KCND2: variants seen among roughly 807,000 people sequenced by gnomAD.
The protein encoded by KCND2 is A-type voltage-gated potassium channel KCND2.
A neutral mutation model predicts 54.4 loss-of-function variants in KCND2; 16 were observed. The observed-to-expected ratio is 0.29, with a 90% CI of 0.20 to 0.45. KCND2 has a LOEUF of 0.45. Ranked by LOEUF, KCND2 falls within the 20% of genes least tolerant of loss-of-function variation. KCND2 has a pLI of 1.00. For synonymous variants in KCND2, 317 were observed against 310.7 expected (o/e 1.02, Z -0.21); for missense variants, 486 against 824.2 (o/e 0.59, Z 5.02).
At chr7:120,447,491 AG>A (rs1229680248) in intron 1 of KCND2, among the ~76,000 whole-genome samples, 1 of 152,220 alleles carries the variant, frequency 6.6e-6, no homozygotes, top group African/African-American at 2.4e-5. Flanking sequence ...ACTGAAAAGA[AG>A]GTCAAGAAAA....
At chr7:120,746,227 A>G (rs1046381088) in intron 5 of KCND2, among the ~76,000 whole-genome samples, 200 bp downstream of exon 5, 2 of 152,204 alleles carry the variant, frequency 1.3e-5, no homozygotes, top group African/African-American at 2.4e-5. Context: ...TTATATCAGT[A>G]TTAAAAGAGT....
At chr7:120,411,203 GT>G (rs1328255512) in intron 1 of KCND2, among the ~76,000 whole-genome samples, 1 of 151,784 alleles carries the variant, frequency 6.6e-6, no homozygotes, top group African/African-American at 2.4e-5. Context: ...TACATTTCAT[GT>G]TTTTAGATGC....
intron 1 of KCND2, among the ~76,000 whole-genome samples, chr7:120,524,941 A>G (rs1219630345): frequency 2.0e-5 from 3 of 152,158 alleles, no homozygotes; most frequent in African/African-American, 4.8e-5. Flanking sequence ...CTCTTGTTTT[A>G]CTTGGAACTC....
Position 120,513,522 on chromosome 7 carries a change from T to A in KCND2, c.1116-219381T>A, listed in dbSNP as rs143571852. ...TTGGAAAACAAATTATTGGACTGAT[T>A]TATTTCACTAAAGTGATCCTCCAGT... On this transcript the variant is annotated intron_variant, in intron 1 of 5. Coordinates refer to ENST00000331113, the MANE Select transcript of KCND2 (RefSeq NM_012281.3). 2.6e-4 allele frequency among the ~76,000 whole-genome samples: 39 copies of A among 152,240 alleles called. 2 individuals carry two copies. The East Asian group carries it at 7.5e-3, about 29-fold the overall frequency.
At chr7:120,389,769 T>G (rs1472147343) in intron 1 of KCND2, among the ~76,000 whole-genome samples, 1 of 151,944 alleles carries the variant, frequency 6.6e-6, no homozygotes, top group Non-Finnish European at 1.5e-5. Flanking sequence ...GTTTTTAACA[T>G]AGATTGACAT....
chr7:120,491,859 GGTTT>G (rs67649845), intron 1 of KCND2, among the ~76,000 whole-genome samples: 11,118 of 151,608 alleles, frequency 0.073, 1,283 homozygotes, highest in African/African-American at 0.25. Context: ...TAGCAATTGT[GGTTT>G]GTTATGTTTT....
chr7:120,342,363 A>G (rs78689859), intron 1 of KCND2, among the ~76,000 whole-genome samples: 4,202 of 152,300 alleles, frequency 0.028, 93 homozygotes, highest in Non-Finnish European at 0.047. Flanking sequence ...TCTCTCACAA[A>G]GGAGAGATTC....
intron 1 of KCND2, among the ~76,000 whole-genome samples, chr7:120,497,324 A>G (rs551513776): frequency 6.6e-6 from 1 of 152,248 alleles, no homozygotes; most frequent in East Asian, 1.9e-4. Context: ...TCCCTTGGAG[A>G]GTCAATATGG....
At chr7:120,404,097 T>C (rs1801313061) in intron 1 of KCND2, among the ~76,000 whole-genome samples, 1 of 152,214 alleles carries the variant, frequency 6.6e-6, no homozygotes, top group African/African-American at 2.4e-5. Flanking sequence ...TTGGGCTTTC[T>C]TGTTTTACTA....
intron 1 of KCND2, among the ~76,000 whole-genome samples, chr7:120,361,709 A>C (rs2116401272): frequency 6.6e-6 from 1 of 152,176 alleles, no homozygotes; most frequent in South Asian, 2.1e-4. Context: ...CAGCTTCAAA[A>C]ATTTTACATA....
chr7:120,558,557 T>C (rs1257691899), intron 1 of KCND2, among the ~76,000 whole-genome samples: 7 of 152,184 alleles, frequency 4.6e-5, no homozygotes, highest in Non-Finnish European at 1.0e-4. Flanking sequence ...ATGGGATCTG[T>C]AGGATGTATG....
At chr7:120,741,059 AAAAG>A (rs990048883) in intron 2 of KCND2, among the ~76,000 whole-genome samples, 17 of 151,860 alleles carry the variant, frequency 1.1e-4, no homozygotes, top group African/African-American at 1.4e-4. Flanking sequence ...AAAAAAAAAA[AAAAG>A]AAAGGAAGGA....
In KCND2 at chr7:120,508,959, C is replaced by T. The variant is rs75705891; in HGVS notation, c.1116-223944C>T. Among the ~76,000 whole-genome samples, 1,212 of 150,618 alleles carry T rather than the reference C, an allele frequency of 8.0e-3. 18 individuals carry two copies. The highest frequency in any genetic ancestry group is 0.029 in the African/African-American group (1,161 of 40,582). On this transcript the variant is annotated intron_variant, in intron 1 of 5. Transcript: ENST00000331113. ...GAACAGACTGCTTTGCCCTCAGCTGCACCATTTCCAGAGACTGGTGCTGAT... is the reference window on the plus strand; with the variant it reads ...GAACAGACTGCTTTGCCCTCAGCTGTACCATTTCCAGAGACTGGTGCTGAT...
chr7:120,632,937 C>T (rs552198018), intron 1 of KCND2, among the ~76,000 whole-genome samples: 1 of 152,172 alleles, frequency 6.6e-6, no homozygotes, highest in Non-Finnish European at 1.5e-5. Flanking sequence ...CCAGAATTCT[C>T]TCTCATTAAG....
Position 120,425,260 on chromosome 7 carries a change from T to C in KCND2, c.1115+149513T>C, listed in dbSNP as rs548956116. Among the ~76,000 whole-genome samples the C allele has an allele frequency of 5.8e-4, 88 of 152,284 alleles. 1 individual carries two copies. The highest frequency in any genetic ancestry group is 3.1e-3 in the South Asian group (15 of 4,822). On this transcript the variant is annotated intron_variant, in intron 1 of 5. Transcript: ENST00000331113. ...CTAGAAATGCAGCTTGCCAACTCAC[T>C]TCCAAAGTACAGAATATTTTGCCAC...
chr7:120,367,062 T>C (rs1382567024), intron 1 of KCND2, among the ~76,000 whole-genome samples: 1 of 152,092 alleles, frequency 6.6e-6, no homozygotes, highest in African/African-American at 2.4e-5. Flanking sequence ...TTGCCGCTAT[T>C]GCATGCATAT....
Position 120,633,044 on chromosome 7 carries a change from C to T in KCND2, c.1116-99859C>T, listed in dbSNP as rs534123205. Among the ~76,000 whole-genome samples the T allele has an allele frequency of 7.2e-4, 109 of 152,294 alleles. 2 individuals carry two copies. Among genetic ancestry groups the T allele is most frequent in the African/African-American group, 2.5e-3 (102 of 41,568 alleles). On this transcript the variant is annotated intron_variant, in intron 1 of 5. Coordinates refer to ENST00000331113, the MANE Select transcript of KCND2 (RefSeq NM_012281.3). ...CAGTTAACACATTTACAGGCTTGAT[C>T]AACCATTGTTAATCACACACGTAAA...
chr7:120,490,390 CTG>C (rs1024416589), intron 1 of KCND2, among the ~76,000 whole-genome samples: 2 of 152,136 alleles, frequency 1.3e-5, no homozygotes, highest in Admixed American at 1.3e-4. Flanking sequence ...TAGACCAACT[CTG>C]AGAACTTATT....
chr7:120,366,723 G>C (rs144766385), intron 1 of KCND2, among the ~76,000 whole-genome samples: 1 of 151,992 alleles, frequency 6.6e-6, no homozygotes, highest in African/African-American at 2.4e-5. Context: ...CACCAGTTTC[G>C]TTCTAACTTT....
Sources: allele counts gnomAD v4.1 joint callset (sites outside exome capture counted in the v4.1 genomes callset), GRCh38; gene constraint gnomAD v4.1.1; transcripts MANE v1.5; gene names NCBI Gene and HGNC (gene_info 2026-07-23, HGNC 2026-07-21).